The following OSBPL1A variants were observed in gnomAD, a reference collection of about 807,000 sequenced individuals.
OSBPL1A encodes oxysterol binding protein like 1A.
OSBPL1A carries 80 observed loss-of-function variants against 137.1 expected under a neutral mutation model. The observed-to-expected ratio is 0.58, with a 90% CI of 0.49 to 0.70. OSBPL1A has a LOEUF of 0.70. OSBPL1A is among the 30% of genes least tolerant of loss of function. OSBPL1A has a pLI of 0.00. For synonymous variants in OSBPL1A, 365 were observed against 389.7 expected, an observed-to-expected ratio of 0.94 and a Z score of 0.75; for missense variants, 970 against 1,129.4, an observed-to-expected ratio of 0.86 and a Z score of 2.02.
intron 1 of OSBPL1A, among the ~76,000 whole-genome samples, chr18:24,392,334 T>G (rs1364260069): frequency 6.6e-6 from 1 of 151,996 alleles, no homozygotes; most frequent in Non-Finnish European, 1.5e-5. Context: ...CTATTTTATA[T>G]TTTTAGTAGA....
chr18:24,190,591 C>A (rs954086976), intron 18 of OSBPL1A, among the ~76,000 whole-genome samples: 13 of 152,148 alleles, frequency 8.5e-5, no homozygotes, highest in African/African-American at 3.1e-4. Flanking sequence ...AGCCATTTCT[C>A]CCCAGGTTGA....
At chr18:24,173,891 C>T (rs1353415548) in intron 21 of OSBPL1A, among the ~76,000 whole-genome samples, 1 of 152,224 alleles carries the variant, frequency 6.6e-6, no homozygotes, top group Non-Finnish European at 1.5e-5. Flanking sequence ...TCAAACCTTT[C>T]TCCACTCCTA....
intron 17 of OSBPL1A, among the ~76,000 whole-genome samples, chr18:24,217,003 T>C (rs1245472076): frequency 6.6e-6 from 1 of 152,012 alleles, no homozygotes; most frequent in African/African-American, 2.4e-5. Context: ...TCAAAGACAA[T>C]GGAGTTATTG....
intron 27 of OSBPL1A, among the ~76,000 whole-genome samples, chr18:24,164,832 C>T (rs535245067): frequency 3.3e-5 from 5 of 152,316 alleles, no homozygotes; most frequent in Non-Finnish European, 4.4e-5. Flanking sequence ...TGCATCCCCA[C>T]GTTTATGACA....
chr18:24,272,771 T>C (rs275872), intron 15 of OSBPL1A, among the ~76,000 whole-genome samples: 90,614 of 152,132 alleles, frequency 0.6, 28,460 homozygotes, highest in African/African-American at 0.74. Context: ...CCATTGAAGT[T>C]GGTGGTAGCT....
At chr18:24,234,954 T>C (rs1037670316) in intron 16 of OSBPL1A, among the ~76,000 whole-genome samples, 6 of 152,200 alleles carry the variant, frequency 3.9e-5, no homozygotes, top group Non-Finnish European at 7.3e-5. Context: ...ACATCACTAC[T>C]GCATCTGAGG....
intron 17 of OSBPL1A, among the ~76,000 whole-genome samples, chr18:24,222,003 A>G (rs1266531075): frequency 1.3e-5 from 2 of 152,200 alleles, no homozygotes; most frequent in Non-Finnish European, 2.9e-5. Context: ...CGATGTCATC[A>G]TATTTTTTAT....
chr18:24,249,783 G>A (rs1040048662), intron 15 of OSBPL1A, among the ~76,000 whole-genome samples: 3 of 152,128 alleles, frequency 2.0e-5, no homozygotes, highest in Non-Finnish European at 4.4e-5. Flanking sequence ...CGTCACCCGC[G>A]GCCAAAGTCC....
chr18:24,173,046 C>T (rs1030476950), intron 21 of OSBPL1A, among the ~76,000 whole-genome samples: 1 of 152,194 alleles, frequency 6.6e-6, no homozygotes, highest in Non-Finnish European at 1.5e-5. Context: ...GGCACACATA[C>T]ACCATGGAAT....
At chr18:24,358,836 C>T (rs1410787183) in intron 4 of OSBPL1A, among the ~76,000 whole-genome samples, 1 of 152,188 alleles carries the variant, frequency 6.6e-6, no homozygotes, top group Non-Finnish European at 1.5e-5. Flanking sequence ...CCTCAAACTC[C>T]TGGGGCTCAA....
intron 14 of OSBPL1A, among the ~76,000 whole-genome samples, chr18:24,292,364 T>C (rs568657259): frequency 4.6e-5 from 7 of 152,308 alleles, no homozygotes; most frequent in Admixed American, 3.3e-4. Flanking sequence ...GATGGTTTCT[T>C]CCCTATTTCA....
At chr18:24,247,967 A>G (rs1246358656) in intron 15 of OSBPL1A, among the ~76,000 whole-genome samples, 1 of 152,144 alleles carries the variant, frequency 6.6e-6, no homozygotes, top group East Asian at 1.9e-4. Context: ...TTCAACTGAG[A>G]TGGGATTATG....
chr18:24,290,804 G>C (rs1356860778), intron 14 of OSBPL1A, among the ~76,000 whole-genome samples: 1 of 152,190 alleles, frequency 6.6e-6, no homozygotes, highest in Non-Finnish European at 1.5e-5. Context: ...AAGTGGGTAA[G>C]GTCTAGTAAA....
intron 17 of OSBPL1A, among the ~76,000 whole-genome samples, chr18:24,210,746 G>A (rs899477710): frequency 6.6e-6 from 1 of 151,874 alleles, no homozygotes; most frequent in African/African-American, 2.4e-5. Flanking sequence ...ATGTTACCCA[G>A]GATGGTCTCA....
intron 5 of OSBPL1A, among the ~76,000 whole-genome samples, chr18:24,341,286 C>T (rs752600314): frequency 2.6e-4 from 39 of 152,104 alleles, no homozygotes; most frequent in Non-Finnish European, 4.9e-4. Flanking sequence ...GGGTTACAGG[C>T]GTGAGCCACC....
In OSBPL1A at chr18:24,308,374, A is replaced by G. The variant is rs574185635; in HGVS notation, c.1092+3610T>C. Among the ~76,000 whole-genome samples, 234 of 137,116 alleles carry G rather than the reference A, an allele frequency of 1.7e-3. 1 individual carries two copies. The highest frequency in any genetic ancestry group is 6.6e-3 in the African/African-American group (216 of 32,504). The allele number at this position is 137,116 out of a possible 152,430, so 90.0% of individuals were successfully genotyped here. ...ACAGCTTGCTGCAGCCTCAGCCTCA[A>G]AATTAAAAAAAAAAAAAAAATTTGT... On this transcript the variant is annotated intron_variant, in intron 13 of 27. Coordinates refer to ENST00000319481, the MANE Select transcript of OSBPL1A (RefSeq NM_080597.4).
At chr18:24,392,742 G>A (rs1021888873) in intron 1 of OSBPL1A, among the ~76,000 whole-genome samples, 5 of 152,152 alleles carry the variant, frequency 3.3e-5, no homozygotes, top group African/African-American at 4.8e-5. Context: ...CCAGGATGGA[G>A]TGCAGTGGCA....
At chr18:24,229,972 ACTCCTGGC>A (rs946329059) in intron 16 of OSBPL1A, among the ~76,000 whole-genome samples, 1 of 151,596 alleles carries the variant, frequency 6.6e-6, no homozygotes, top group African/African-American at 2.4e-5. Context: ...CTGGTCTTGA[ACTCCTGGC>A]CTCAGGTGAT....
intron 1 of OSBPL1A, among the ~76,000 whole-genome samples, chr18:24,389,156 A>C (rs1474022744): frequency 2.0e-5 from 3 of 152,244 alleles, no homozygotes; most frequent in Non-Finnish European, 4.4e-5. Flanking sequence ...CTATCAGCGC[A>C]CATGGTATTT....
Sources: allele counts gnomAD v4.1 joint callset (sites outside exome capture counted in the v4.1 genomes callset), GRCh38; gene constraint gnomAD v4.1.1; transcripts MANE v1.5; gene names NCBI Gene and HGNC (gene_info 2026-07-23, HGNC 2026-07-21).